The following SCN1A variants were observed in gnomAD, a reference collection of about 807,000 sequenced individuals.
SCN1A encodes the protein sodium channel protein type 1 subunit alpha.
Under a neutral mutation model 193.7 loss-of-function variants are expected in SCN1A, and 13 were observed. The ratio of observed to expected loss-of-function variants is 0.07; its 90% CI spans 0.04 to 0.11. The LOEUF is 0.11. Ranked by LOEUF, SCN1A falls within the 10% of genes least tolerant of loss-of-function variation. SCN1A has a pLI of 1.00. For missense variants in SCN1A, 1,432 were observed against 2,451.1 expected, an observed-to-expected ratio of 0.58 and a Z score of 8.78; for synonymous variants, 781 against 843.6, an observed-to-expected ratio of 0.93 and a Z score of 1.29.
intron 24 of SCN1A, among the ~76,000 whole-genome samples, chr2:166,001,885 T>C (rs1163953367): frequency 3.6e-5 from 5 of 140,674 alleles, no homozygotes; most frequent in Non-Finnish European, 6.2e-5. Context: ...CTCTCTTTTT[T>C]TTTTTTTTTT....
chr2:166,017,962 A>G (rs914295941), intron 19 of SCN1A, among the ~76,000 whole-genome samples: 2 of 152,036 alleles, frequency 1.3e-5, no homozygotes, highest in Non-Finnish European at 2.9e-5. Flanking sequence ...AAGCAGAACA[A>G]AAAGTTGCTC....
intron 2 of SCN1A, among the ~76,000 whole-genome samples, chr2:166,115,793 C>T (rs1438351971): frequency 6.6e-6 from 1 of 152,074 alleles, no homozygotes; most frequent in Non-Finnish European, 1.5e-5. Flanking sequence ...GACTTAGTCA[C>T]ATCAGACAAT....
chr2:166,101,510 TAA>T (rs35742053), intron 2 of SCN1A, among the ~76,000 whole-genome samples: 27,209 of 143,614 alleles, frequency 0.19, 2,776 homozygotes, highest in Middle Eastern at 0.34. Context: ...AAAGTATAAT[TAA>T]AAAAAAAAAA....
chr2:166,112,740 G>A (rs1016861797), intron 2 of SCN1A, among the ~76,000 whole-genome samples: 2 of 152,108 alleles, frequency 1.3e-5, no homozygotes, highest in African/African-American at 4.8e-5. Context: ...GATGACAAGT[G>A]GCTGAGGGCC....
chr2:166,024,562 C>T (rs1439391323), intron 19 of SCN1A, among the ~76,000 whole-genome samples: 1 of 152,174 alleles, frequency 6.6e-6, no homozygotes, highest in East Asian at 1.9e-4. Context: ...AGAAATTACA[C>T]TACCATTGTT....
At chr2:166,137,398 A>T (rs1368030882) in intron 1 of SCN1A, 6 of 152,080 alleles carry the variant, frequency 3.9e-5, no homozygotes, top group Non-Finnish European at 5.9e-5. Flanking sequence ...TTGAATTGTA[A>T]CTCCCACAAT....
intron 2 of SCN1A, among the ~76,000 whole-genome samples, chr2:166,111,272 G>C (rs566007486): frequency 3.9e-5 from 6 of 152,156 alleles, no homozygotes; most frequent in South Asian, 4.2e-4. Context: ...TTAAGTTGAA[G>C]CCAATTTTCA....
chr2:166,042,362 G>A lies in SCN1A; in HGVS notation c.2106C>T (p.Asp702=). The change falls in exon 15 of 29, where the codon GAC becomes GAT. Residue 702 remains aspartate, a synonymous_variant. Transcript: ENST00000674923. ...RRSSSFHVSM[D]FLEDPSQRQR... is the part of the protein sequence containing the mutation. ...GCCTTTGGGAAGGATCTTCTAGAAA[G>A]TCCATGGAAACGTGGAAAGAACTTG... is the stretch of plus-strand genomic sequence containing the variant. 6 of 1,613,816 alleles carry A rather than the reference G, an allele frequency of 3.7e-6. No individual in the cohort carries two copies. The highest frequency in any genetic ancestry group is 5.1e-6 in the Non-Finnish European group (6 of 1,179,798).
chr2:166,021,952 G>T (rs1694128589), intron 19 of SCN1A, among the ~76,000 whole-genome samples: 1 of 152,098 alleles, frequency 6.6e-6, no homozygotes, highest in Admixed American at 6.5e-5. Context: ...TTATTTAAAA[G>T]ATTGGAAAAC....
At chr2:166,053,323 C>T (rs1246974615) in intron 7 of SCN1A, among the ~76,000 whole-genome samples, 1 of 151,932 alleles carries the variant, frequency 6.6e-6, no homozygotes, top group Admixed American at 6.6e-5. Context: ...ATAAAGTAGA[C>T]ACCCTTGTTG....
chr2:166,042,294 T>C lies in SCN1A; in HGVS notation c.2174A>G (p.Glu725Gly). ...CGAAAATAGAATTTGTTACCAACCT[T>C]CTACTGTATTTGTTAGAATGCTGGC... ...SIASILTNTV[E>G]ELEESRQKCP... Residue 725 changes from glutamate (E) to glycine (G), a missense_variant and splice_region_variant, in exon 15 of 29, where the codon GAA (glutamate) becomes GGA (glycine). This residue lies in a region of SCN1A where 316 missense variants were observed against 362.1 expected (regional missense o/e 0.87). Coordinates refer to ENST00000674923, the MANE Select transcript of SCN1A (RefSeq NM_001165963.4). 6.2e-7 allele frequency: 1 copy of C among 1,613,590 alleles called. No individual in the cohort carries two copies. The highest frequency in any genetic ancestry group is 2.2e-5 in the East Asian group (1 of 44,820).
chr2:166,116,055 G>A (rs1439649425), intron 2 of SCN1A, among the ~76,000 whole-genome samples: 5 of 152,232 alleles, frequency 3.3e-5, no homozygotes, highest in Admixed American at 3.3e-4. Context: ...AAGGACTAAT[G>A]GTAAGGTAGA....
Position 166,043,900 on chromosome 2 carries a change from A to T in SCN1A, c.1812T>A (p.Arg604=). ...EHSTFEDNES[R]RDSLFVPRRH... is the part of the protein sequence containing the mutation. ...GTCGGGGCACAAACAAGGAATCTCT[A>T]CGGCTCTCGTTATCCTCAAAGGTGC... Residue 604 remains arginine (R), a synonymous_variant, in exon 14 of 29, where the codon CGT becomes CGA. Coordinates refer to ENST00000674923, the MANE Select transcript of SCN1A (RefSeq NM_001165963.4). 2 of 1,614,070 alleles carry T rather than the reference A, an allele frequency of 1.2e-6. No individual in the cohort carries two copies. Among genetic ancestry groups the T allele is most frequent in the South Asian group, 1.1e-5 (1 of 91,072 alleles).
chr2:166,008,816 C>T (rs1486300896), intron 23 of SCN1A, among the ~76,000 whole-genome samples: 1 of 150,466 alleles, frequency 6.6e-6, no homozygotes, highest in African/African-American at 2.4e-5. Context: ...ATTGGAATCA[C>T]ACAATTCAGT....
At chr2:166,143,956 T>C (rs1427656763) in intron 1 of SCN1A, among the ~76,000 whole-genome samples, 1 of 152,250 alleles carries the variant, frequency 6.6e-6, no homozygotes, top group Non-Finnish European at 1.5e-5. Flanking sequence ...TATTTGATCT[T>C]GGGAACAATT....
chr2:166,002,631 G>A lies in SCN1A; in HGVS notation c.4125C>T (p.His1375=), dbSNP rs370788427. 15 of 1,611,836 alleles carry A rather than the reference G, an allele frequency of 9.3e-6. No homozygotes were observed. Among genetic ancestry groups the A allele is most frequent in the African/African-American group, 1.3e-5 (1 of 74,706 alleles). Residue 1375 remains histidine, a synonymous_variant, in exon 24 of 29, where the codon CAC becomes CAT. Transcript: ENST00000674923. ...TGTCACCAGTTGTGGTGTTAATACA[G>A]TGGTAGAATTTGCCAGCAAACAAAT... ...GVNLFAGKFY[H]CINTTTGDRF...
rs781477274 is a variant in SCN1A, at chr2:166,037,962, G to T, written c.2760C>A (p.Val920=). 1 of 1,614,180 alleles carries T rather than the reference G, an allele frequency of 6.2e-7. No individual in the cohort carries two copies. Among genetic ancestry groups the T allele is most frequent in the South Asian group, 1.1e-5 (1 of 91,086 alleles). ...GTTGACAATCACTGGCGATCTTGCA[G>T]ACACAATCTTTGTAGCTTTTACCAA... The part of the protein sequence containing the change: ...QLFGKSYKDC[V]CKIASDCQLP... The change falls in exon 18 of 29, where the codon GTC becomes GTA. Residue 920 remains valine, a synonymous_variant. Coordinates refer to ENST00000674923, the MANE Select transcript of SCN1A (RefSeq NM_001165963.4).
rs555999368 is a variant in SCN1A, at chr2:166,025,559, G to A, written c.3430-9832C>T. On this transcript the variant is annotated intron_variant, in intron 19 of 28. Coordinates refer to ENST00000674923, the MANE Select transcript of SCN1A (RefSeq NM_001165963.4). The stretch of plus-strand genomic sequence containing the variant: ...TTGTCATAAATGTAATGTAATTAAA[G>A]GGTGATACCATATCCACAGGTTCCA... 4.7e-4 allele frequency among the ~76,000 whole-genome samples: 72 copies of A among 152,222 alleles called. 1 individual carries two copies. The highest frequency in any genetic ancestry group is 9.3e-4 in the Non-Finnish European group (63 of 68,006).
chr2:166,005,117 G>A (rs150203023), intron 23 of SCN1A, among the ~76,000 whole-genome samples: 240 of 151,506 alleles, frequency 1.6e-3, no homozygotes, highest in Non-Finnish European at 2.7e-3. Context: ...AGAGTTCAGT[G>A]TAATCCTGAC....
Sources: allele counts gnomAD v4.1 joint callset (sites outside exome capture counted in the v4.1 genomes callset), GRCh38; gene constraint gnomAD v4.1.1; regional missense constraint gnomAD v4.1.1; transcripts MANE v1.5; gene names NCBI Gene and HGNC (gene_info 2026-07-23, HGNC 2026-07-21).